ANKHD1: variants seen among roughly 807,000 people sequenced by gnomAD.
The protein encoded by ANKHD1 is ankyrin repeat and KH domain containing 1.
Under a neutral mutation model 230.5 loss-of-function variants are expected in ANKHD1, and 31 were observed. That is an observed-to-expected ratio of 0.13 (90% CI 0.10 to 0.18). The LOEUF (loss-of-function observed/expected upper bound fraction) is 0.18, where lower values mean the gene tolerates loss of function less well. Ranked by LOEUF, ANKHD1 falls within the 10% of genes least tolerant of loss-of-function variation. ANKHD1 has a pLI of 1.00. For missense variants in ANKHD1, 2,256 were observed against 3,071.3 expected, an observed-to-expected ratio of 0.73 and a Z score of 6.27; for synonymous variants, 1,074 against 1,117.6, an observed-to-expected ratio of 0.96 and a Z score of 0.78.
intron 1 of ANKHD1, among the ~76,000 whole-genome samples, chr5:140,406,799 G>T (rs1770494964): frequency 6.6e-6 from 1 of 152,044 alleles, no homozygotes; most frequent in African/African-American, 2.4e-5. Flanking sequence ...GTCTCCCAAA[G>T]TGCTGGGATT....
intron 32 of ANKHD1, 100 bp from the exon 33 acceptor site, chr5:140,538,819 T>C: frequency 8.0e-7 from 1 of 1,252,540 alleles, no homozygotes; most frequent in Non-Finnish European, 1.0e-6. Flanking sequence ...GTTCTTTAAA[T>C]GAGGAATATT....
chr5:140,492,506 C>T (rs1336310207), intron 14 of ANKHD1, among the ~76,000 whole-genome samples: 1 of 152,108 alleles, frequency 6.6e-6, no homozygotes, highest in Non-Finnish European at 1.5e-5. Context: ...TATATTGAAG[C>T]CCAGGACACA....
Position 140,504,935 on chromosome 5 carries a change from C to A in ANKHD1, c.3119C>A (p.Pro1040His), listed in dbSNP as rs1561808017. 2.5e-6 allele frequency: 4 copies of A among 1,614,146 alleles called. No homozygotes were observed. Among genetic ancestry groups the A allele is most frequent in the Non-Finnish European group, 2.5e-6 (3 of 1,180,012 alleles). Residue 1040 changes from proline to histidine, a missense_variant, in exon 16 of 34, where the codon CCT becomes CAT. Transcript: ENST00000360839. ...TSNVASQSMPPVYPSVDIDAH... is the reference protein window; with the variant it reads ...TSNVASQSMPHVYPSVDIDAH... Reference sequence around the variant, plus strand: ...AATGTGGCTTCCCAATCGATGCCTCCTGTGTATCCTTCAGTTGACATTGAT... The same window carrying A: ...AATGTGGCTTCCCAATCGATGCCTCATGTGTATCCTTCAGTTGACATTGAT...
At chr5:140,489,374 C>T (rs1413993380) in intron 14 of ANKHD1, among the ~76,000 whole-genome samples, 1 of 151,954 alleles carries the variant, frequency 6.6e-6, no homozygotes, top group Non-Finnish European at 1.5e-5. Flanking sequence ...CCTGTAGTCC[C>T]AGCTACTCAG....
intron 17 of ANKHD1, 119 bp downstream of exon 17, chr5:140,505,352 GT>G: frequency 8.6e-7 from 1 of 1,163,866 alleles, no homozygotes; most frequent in East Asian, 2.6e-5. Context: ...GTATATTTCA[GT>G]TAGGAATATC....
intron 14 of ANKHD1, among the ~76,000 whole-genome samples, chr5:140,493,643 G>A (rs995612003): frequency 6.6e-6 from 1 of 152,150 alleles, no homozygotes; most frequent in Non-Finnish European, 1.5e-5. Context: ...TATAGCTTGT[G>A]TTAGTCCTTT....
chr5:140,451,535 C>T (rs1009320233), intron 7 of ANKHD1, among the ~76,000 whole-genome samples: 2 of 152,102 alleles, frequency 1.3e-5, no homozygotes, highest in African/African-American at 4.8e-5. Flanking sequence ...GTTTTTGAGA[C>T]AGGGTCTCTA....
intron 5 of ANKHD1, among the ~76,000 whole-genome samples, 167 bp downstream of exon 5, chr5:140,441,309 G>A (rs1773829163): frequency 6.6e-6 from 1 of 152,152 alleles, no homozygotes; most frequent in African/African-American, 2.4e-5. Flanking sequence ...ATCCTCAAAA[G>A]TCTTTAAAAC....
chr5:140,408,653 T>A (rs1201448740), intron 1 of ANKHD1, among the ~76,000 whole-genome samples: 1 of 152,206 alleles, frequency 6.6e-6, no homozygotes, highest in Non-Finnish European at 1.5e-5. Context: ...TAAGATTGTT[T>A]ATGATCTATA....
rs1469487606 is a variant in ANKHD1, at chr5:140,445,695, A to T, written c.914-47A>T. On this transcript the variant is annotated intron_variant, in intron 5 of 33. Transcript: ENST00000360839. ...AATCTTTTATTTATTTTTATTTTTT[A>T]AATATATATTCTGCTCATGTATTAT... 3.0e-6 allele frequency: 4 copies of T among 1,344,988 alleles called. No homozygotes were observed. The African/African-American group carries it at 6.0e-5, about 20-fold the overall frequency. The allele number at this position is 1,344,988 out of a possible 1,614,324, so 83.3% of individuals were successfully genotyped here.
In ANKHD1 at chr5:140,506,900, A is replaced by G. The variant is rs748186603; in HGVS notation, c.3474A>G (p.Pro1158=). The G allele has an allele frequency of 1.9e-6, 3 of 1,614,108 alleles. No individual in the cohort carries two copies. Among genetic ancestry groups the G allele is most frequent in the Non-Finnish European group, 2.5e-6 (3 of 1,180,010 alleles). The part of the protein sequence containing the change: ...KEHRNVSDYT[P]LSLAASGGYV... ...ATAGGAACGTATCTGATTATACACC[A>G]CTGAGTCTAGCTGCGTCTGGAGGAT... The change falls in exon 19 of 34, where the codon CCA becomes CCG. Residue 1158 remains proline (P), a synonymous_variant. Transcript: ENST00000360839. The surrounding 1 kb of genome is among the most constrained non-coding windows in gnomAD (Gnocchi z 4.7).
At chr5:140,462,205 T>G (rs1307017148) in intron 9 of ANKHD1, among the ~76,000 whole-genome samples, 1 of 151,992 alleles carries the variant, frequency 6.6e-6, no homozygotes, top group Non-Finnish European at 1.5e-5. Flanking sequence ...ACTTCATAGG[T>G]GGTATTTGTA....
chr5:140,472,156 G>A (rs1776536762), intron 10 of ANKHD1: 3 of 1,112,540 alleles, frequency 2.7e-6, no homozygotes, highest in Non-Finnish European at 4.0e-6. Context: ...ACCATCTGAA[G>A]TATCGGTCAC....
chr5:140,476,178 A>G (rs150821681), intron 10 of ANKHD1, among the ~76,000 whole-genome samples: 434 of 152,208 alleles, frequency 2.9e-3, no homozygotes, highest in African/African-American at 9.7e-3. Flanking sequence ...ATAATACAAT[A>G]AAATATATAA....
At chr5:140,482,701 C>G (rs1050281640) in intron 11 of ANKHD1, 34 bp downstream of exon 11, 31 of 1,599,946 alleles carry the variant, frequency 1.9e-5, no homozygotes, top group Non-Finnish European at 2.6e-5. Context: ...TTCCAAGAGG[C>G]TACAGTTTAT....
intron 1 of ANKHD1, among the ~76,000 whole-genome samples, chr5:140,414,649 T>C (rs1771207831): frequency 6.6e-6 from 1 of 151,950 alleles, no homozygotes; most frequent in African/African-American, 2.4e-5. Context: ...CTGGGCAATA[T>C]AGGGAACCCT....
At chr5:140,468,180 T>G (rs889247826) in intron 10 of ANKHD1, among the ~76,000 whole-genome samples, 1 of 146,356 alleles carries the variant, frequency 6.8e-6, no homozygotes, top group Non-Finnish European at 1.5e-5. Flanking sequence ...GTTCAAATGA[T>G]TCTCCTTCCT....
chr5:140,478,983 AT>A (rs924856074), intron 10 of ANKHD1, among the ~76,000 whole-genome samples: 7 of 85,652 alleles, frequency 8.2e-5, no homozygotes, highest in African/African-American at 2.4e-4. Context: ...TATTTTATTT[AT>A]TTTTTTTAAT....
Position 140,449,257 on chromosome 5 carries a change from A to G in ANKHD1, c.1194A>G (p.Gln398=), listed in dbSNP as rs1436569770. The G allele has an allele frequency of 6.2e-7, 1 of 1,613,920 alleles. No individual in the cohort carries two copies. Among genetic ancestry groups the G allele is most frequent in the Non-Finnish European group, 8.5e-7 (1 of 1,179,876 alleles). The change falls in exon 7 of 34, where the codon CAA becomes CAG. Residue 398 remains glutamine, a synonymous_variant. Coordinates refer to ENST00000360839, the MANE Select transcript of ANKHD1 (RefSeq NM_017747.3). ...TTCTACTTGAAGCTGGTGCAGATCA[A>G]GAGCACAAAACAGATGAGATGCACA... ...VRFLLEAGAD[Q]EHKTDEMHTA... is the part of the protein sequence containing the mutation.
Sources: allele counts gnomAD v4.1 joint callset (sites outside exome capture counted in the v4.1 genomes callset), GRCh38; gene constraint gnomAD v4.1.1; non-coding constraint Gnocchi (gnomAD v3.1); transcripts MANE v1.5; gene names NCBI Gene and HGNC (gene_info 2026-07-23, HGNC 2026-07-21).